Variants in PGR observed in about 807,000 individuals in gnomAD.
The protein encoded by PGR is nuclear receptor subfamily 3 group C member 3.
PGR carries 25 observed loss-of-function variants against 76.1 expected under a neutral mutation model. That is an observed-to-expected ratio of 0.33 (90% confidence interval 0.24 to 0.46). PGR has a LOEUF of 0.46. PGR is among the 20% of genes least tolerant of loss of function. PGR has a pLI of 1.00. For synonymous variants in PGR, 579 were observed against 535.0 expected, an observed-to-expected ratio of 1.08 and a Z score of -1.14; for missense variants, 1,172 against 1,225.3, an observed-to-expected ratio of 0.96 and a Z score of 0.65.
chr11:101,120,552 GT>G (rs1160545192), intron 2 of PGR, among the ~76,000 whole-genome samples: 1 of 152,092 alleles, frequency 6.6e-6, no homozygotes, highest in African/African-American at 2.4e-5. Context: ...AAAAAAACAA[GT>G]TGGAACTACA....
At chr11:101,051,293 A>G (rs1860079983) in intron 5 of PGR, 131 bp downstream of exon 5, 1 of 645,952 alleles carries the variant, frequency 1.5e-6, no homozygotes, top group African/African-American at 1.8e-5. Context: ...CAAATATAAA[A>G]TTACCGTAAA....
chr11:101,042,680 C>A (rs1179902724), intron 6 of PGR, among the ~76,000 whole-genome samples: 2 of 152,056 alleles, frequency 1.3e-5, no homozygotes, highest in African/African-American at 4.8e-5. Context: ...TTATATCCAG[C>A]CACTTTGTTA....
At chr11:101,114,587 G>C (rs1340893607) in intron 2 of PGR, among the ~76,000 whole-genome samples, 1 of 152,088 alleles carries the variant, frequency 6.6e-6, no homozygotes, top group Non-Finnish European at 1.5e-5. Context: ...TATTCTGCAT[G>C]GTGCTTTTAG....
At chr11:101,092,518 G>C (rs137975392) in intron 2 of PGR, among the ~76,000 whole-genome samples, 1 of 152,206 alleles carries the variant, frequency 6.6e-6, no homozygotes, top group East Asian at 1.9e-4. Context: ...ACAGATAGAA[G>C]TACTCAATAA....
At chr11:101,078,162 T>G (rs1861185108) in intron 3 of PGR, among the ~76,000 whole-genome samples, 1 of 152,086 alleles carries the variant, frequency 6.6e-6, no homozygotes, top group African/African-American at 2.4e-5. Flanking sequence ...TTATTCTCTT[T>G]GCCATAAGAA....
At chr11:101,102,350 T>G (rs566408739) in intron 2 of PGR, among the ~76,000 whole-genome samples, 2 of 152,336 alleles carry the variant, frequency 1.3e-5, no homozygotes, top group East Asian at 3.9e-4. Flanking sequence ...TTTGGAGCCT[T>G]AAGAGGTGAA....
At chr11:101,086,404 A>C (rs1335029711) in intron 3 of PGR, among the ~76,000 whole-genome samples, 2 of 152,192 alleles carry the variant, frequency 1.3e-5, no homozygotes, top group African/African-American at 2.4e-5. Flanking sequence ...TTCATGATAA[A>C]AACCCTCAAG....
chr11:101,077,290 C>T (rs1290870314), intron 3 of PGR, among the ~76,000 whole-genome samples: 1 of 152,094 alleles, frequency 6.6e-6, no homozygotes, highest in African/African-American at 2.4e-5. Flanking sequence ...GATCAGTCCA[C>T]TGGCACTACA....
At chr11:101,084,715 T>A (rs1244565469) in intron 3 of PGR, among the ~76,000 whole-genome samples, 2 of 150,982 alleles carry the variant, frequency 1.3e-5, no homozygotes, top group Non-Finnish European at 2.9e-5. Context: ...CTCATCCATC[T>A]TCTGTATTCA....
In PGR at chr11:101,093,303, T is replaced by A. The variant is rs929652337; in HGVS notation, c.1790-1427A>T. 2.7e-5 allele frequency among the ~76,000 whole-genome samples: 4 copies of A among 148,418 alleles called. No homozygotes were observed. The East Asian group carries it at 7.7e-4, about 29-fold the overall frequency. On this transcript the variant is annotated intron_variant, in intron 2 of 7. Transcript: ENST00000325455. Reference sequence around the variant, plus strand: ...AGTGTACTGCATACTACTTTCTGATTTGACTCTAATTTTTTTTTTTTTTAC... The same window carrying A: ...AGTGTACTGCATACTACTTTCTGATATGACTCTAATTTTTTTTTTTTTTAC...
At chr11:101,041,830 C>A (rs572698) in intron 7 of PGR, 115 bp downstream of exon 7, 224,277 of 906,620 alleles carry the variant, frequency 0.25, 29,238 homozygotes, top group African/African-American at 0.39. Flanking sequence ...ACACTTTTAA[C>A]ATACAAGTAT....
At chr11:101,080,337 C>A (rs1861262362) in intron 3 of PGR, among the ~76,000 whole-genome samples, 1 of 151,746 alleles carries the variant, frequency 6.6e-6, no homozygotes, top group Non-Finnish European at 1.5e-5. Flanking sequence ...CTGAAAGAAG[C>A]ACATAGGGCT....
At chr11:101,069,988 G>A (rs529895938) in intron 3 of PGR, among the ~76,000 whole-genome samples, 23 of 150,238 alleles carry the variant, frequency 1.5e-4, no homozygotes, top group African/African-American at 5.1e-4. Flanking sequence ...ATGTATCCCA[G>A]AACTTAAATT....
At chr11:101,115,801 T>C (rs1862486642) in intron 2 of PGR, among the ~76,000 whole-genome samples, 1 of 151,834 alleles carries the variant, frequency 6.6e-6, no homozygotes, top group South Asian at 2.1e-4. Flanking sequence ...ATGATAAGAA[T>C]TGTTTATAAA....
At chr11:101,088,985 G>T (rs1202800816) in intron 3 of PGR, among the ~76,000 whole-genome samples, 1 of 152,136 alleles carries the variant, frequency 6.6e-6, no homozygotes, top group Non-Finnish European at 1.5e-5. Context: ...TAGACATTGG[G>T]TATTCATGAG....
In PGR at chr11:101,032,593, G is replaced by T. The variant is rs980743740; in HGVS notation, c.*6523C>A. The stretch of plus-strand genomic sequence containing the variant: ...CTGTTTGGAATACTCTTCTCTTCTT[G>T]CCTTTGGCATCTCCTCACCACGCAC... On this transcript the variant is annotated 3_prime_UTR_variant, in exon 8 of 8. Coordinates refer to ENST00000325455, the MANE Select transcript of PGR (RefSeq NM_000926.4). 4.4e-6 allele frequency: 1 copy of T among 229,282 alleles called. No homozygotes were observed. Among genetic ancestry groups the T allele is most frequent in the African/African-American group, 2.2e-5 (1 of 45,086 alleles). 14.2% of individuals were successfully genotyped at this position (229,282 alleles called of 1,614,324 possible). A position where few individuals can be genotyped will look rare whatever the true frequency, so the allele number is the denominator to read the frequency against.
chr11:101,115,761 C>A (rs901313637), intron 2 of PGR, among the ~76,000 whole-genome samples: 3 of 137,594 alleles, frequency 2.2e-5, no homozygotes, highest in Non-Finnish European at 4.8e-5. Context: ...AGAGCGGGGA[C>A]TCCCTCTCAA....
At chr11:101,040,639 G>A (rs886298176) in intron 7 of PGR, among the ~76,000 whole-genome samples, 8 of 152,082 alleles carry the variant, frequency 5.3e-5, no homozygotes, top group Non-Finnish European at 1.2e-4. Flanking sequence ...TCCTGATAAC[G>A]TCTATGTGAC....
At chr11:101,054,605 C>G (rs575869438) in intron 4 of PGR, among the ~76,000 whole-genome samples, 1 of 152,250 alleles carries the variant, frequency 6.6e-6, no homozygotes, top group Admixed American at 6.5e-5. Flanking sequence ...ATATAAACCT[C>G]CCTATTGCTG....
Sources: allele counts gnomAD v4.1 joint callset (sites outside exome capture counted in the v4.1 genomes callset), GRCh38; gene constraint gnomAD v4.1.1; transcripts MANE v1.5; gene names NCBI Gene and HGNC (gene_info 2026-07-23, HGNC 2026-07-21).